The following TENM3 variants were observed in gnomAD, a reference collection of about 807,000 sequenced individuals.
The protein encoded by TENM3 is teneurin transmembrane protein 3.
In TENM3, 63 loss-of-function variants were observed where a neutral mutation model predicts 255.1. The observed-to-expected ratio is 0.25, with a 90% CI of 0.20 to 0.30. The LOEUF (loss-of-function observed/expected upper bound fraction) is 0.30. TENM3 is among the 10% of genes least tolerant of loss of function. TENM3 has a pLI of 1.00. For missense variants in TENM3, 2,929 were observed against 3,461.1 expected, an observed-to-expected ratio of 0.85 and a Z score of 3.86; for synonymous variants, 1,306 against 1,322.3, an observed-to-expected ratio of 0.99 and a Z score of 0.27.
the TENM3 span, among the ~76,000 whole-genome samples, chr4:181,852,743 A>G: frequency 1.3e-5 from 2 of 152,340 alleles, no homozygotes; most frequent in South Asian, 4.1e-4. Flanking sequence ...CATTACACAT[A>G]TCATCTCATG....
intron 22 of TENM3, among the ~76,000 whole-genome samples, chr4:182,755,586 C>A (rs936922120): frequency 1.1e-4 from 17 of 152,040 alleles, no homozygotes; most frequent in African/African-American, 4.1e-4. Context: ...CGCCTGTAAT[C>A]CCAGCACTTT....
the TENM3 span, among the ~76,000 whole-genome samples, chr4:181,868,531 A>G: frequency 2.6e-5 from 4 of 152,156 alleles, no homozygotes; most frequent in Non-Finnish European, 5.9e-5. Context: ...GAGGGTCGCT[A>G]CTGCTTAAGC....
the TENM3 span, among the ~76,000 whole-genome samples, chr4:181,819,131 G>T: frequency 1.3e-5 from 2 of 152,122 alleles, no homozygotes; most frequent in African/African-American, 4.8e-5. Context: ...TATGCCTCTT[G>T]TCATCTACCA....
At chr4:182,758,367 C>T (rs775193770) in intron 22 of TENM3, among the ~76,000 whole-genome samples, 2 of 152,106 alleles carry the variant, frequency 1.3e-5, no homozygotes, top group Non-Finnish European at 2.9e-5. Context: ...ATTATCAGGC[C>T]GCCCCTCCAG....
intron 1 of TENM3, chr4:182,144,991 C>T (rs2149550715): frequency 6.6e-6 from 1 of 152,056 alleles, no homozygotes; most frequent in Admixed American, 6.5e-5. Flanking sequence ...TCGCCGGCGC[C>T]TCTCGCCCGG....
the TENM3 span, among the ~76,000 whole-genome samples, chr4:181,853,930 G>T: frequency 6.6e-6 from 1 of 152,136 alleles, no homozygotes; most frequent in African/African-American, 2.4e-5. Context: ...AGAAGATTTT[G>T]TTGAAAGAAT....
At chr4:181,955,926 A>G in the TENM3 span, among the ~76,000 whole-genome samples, 3 of 152,224 alleles carry the variant, frequency 2.0e-5, no homozygotes, top group South Asian at 4.1e-4. Context: ...AAGGAACCAA[A>G]CAAGTTGGTA....
chr4:181,619,252 T>G, the TENM3 span, among the ~76,000 whole-genome samples: 1 of 152,086 alleles, frequency 6.6e-6, no homozygotes, highest in East Asian at 1.9e-4. Context: ...TAGGGCTGGT[T>G]TCCCCAAGCC....
At chr4:182,244,817 TTTAC>T (rs1757536278) in intron 1 of TENM3, among the ~76,000 whole-genome samples, 1 of 152,260 alleles carries the variant, frequency 6.6e-6, no homozygotes, top group Admixed American at 6.5e-5. Context: ...CAAATATCAC[TTTAC>T]TTCTTACATT....
At chr4:181,539,463 C>G in the TENM3 span, among the ~76,000 whole-genome samples, 1 of 152,076 alleles carries the variant, frequency 6.6e-6, no homozygotes. Context: ...CAAACCAAAG[C>G]AAAAACATAA....
the TENM3 span, among the ~76,000 whole-genome samples, chr4:181,484,697 T>G: frequency 6.6e-6 from 1 of 152,146 alleles, no homozygotes; most frequent in Non-Finnish European, 1.5e-5. Flanking sequence ...AGGTACTAAT[T>G]TAAATTACAC....
At chr4:181,594,977 C>T in the TENM3 span, among the ~76,000 whole-genome samples, 320 of 152,236 alleles carry the variant, frequency 2.1e-3, 4 homozygotes, top group East Asian at 0.037. Context: ...AAGGCCCATA[C>T]CTCTGTGTTC....
At chr4:182,514,296 A>G (rs1737716611) in intron 3 of TENM3, among the ~76,000 whole-genome samples, 1 of 152,208 alleles carries the variant, frequency 6.6e-6, no homozygotes, top group Admixed American at 6.5e-5. Context: ...TGGTGTTAGG[A>G]TATGAAGAGT....
At chr4:182,078,668 A>G in the TENM3 span, among the ~76,000 whole-genome samples, 2 of 152,214 alleles carry the variant, frequency 1.3e-5, no homozygotes, top group South Asian at 4.1e-4. Context: ...GAACTGTGTC[A>G]GTGTGAAGAG....
intron 12 of TENM3, among the ~76,000 whole-genome samples, chr4:182,705,438 C>T (rs1422492891): frequency 1.3e-5 from 2 of 152,050 alleles, no homozygotes; most frequent in African/African-American, 2.4e-5. Flanking sequence ...GCCAGTAGCC[C>T]GGTGAAAATA....
At position 182,793,115 on chromosome 4, in the gene TENM3, T is replaced by C. The variant is rs755426596; in HGVS notation, c.6443T>C (p.Met2148Thr). Residue 2148 changes from methionine (M) to threonine (T), a missense_variant, in exon 26 of 28, where the codon ATG (methionine) becomes ACG (threonine). This residue lies in a region of TENM3 where 256 missense variants were observed against 389.3 expected (regional missense o/e 0.66). Transcript: ENST00000511685. The surrounding 1 kb of genome is among the most constrained non-coding windows in gnomAD (Gnocchi z 5.7). ...ACAGTTTACCTCAATGAAAAGATAATGTGGCGGTACAACTACGATCTGAAT... is the reference window on the plus strand; with the variant it reads ...ACAGTTTACCTCAATGAAAAGATAACGTGGCGGTACAACTACGATCTGAAT... ...LQTVYLNEKI[M>T]WRYNYDLNGN... 2.7e-5 allele frequency: 44 copies of C among 1,613,840 alleles called. No individual in the cohort carries two copies. The highest frequency in any genetic ancestry group is 3.6e-5 in the Non-Finnish European group (42 of 1,179,908).
At chr4:182,558,381 G>A (rs1055860499) in intron 3 of TENM3, among the ~76,000 whole-genome samples, 2 of 152,092 alleles carry the variant, frequency 1.3e-5, no homozygotes, top group African/African-American at 4.8e-5. Context: ...AAAAATACAT[G>A]GCATGGTAGG....
chr4:182,432,178 C>T (rs1771707276), intron 3 of TENM3, among the ~76,000 whole-genome samples: 1 of 151,766 alleles, frequency 6.6e-6, no homozygotes, highest in Non-Finnish European at 1.5e-5. Flanking sequence ...TCCAAGAAGG[C>T]TTTGAGAAGA....
chr4:182,662,946 G>A (rs1022466344), intron 6 of TENM3, among the ~76,000 whole-genome samples: 2 of 152,156 alleles, frequency 1.3e-5, no homozygotes, highest in Admixed American at 6.6e-5. Context: ...GCCCCTTCAC[G>A]AAACCCTAGT....
Sources: allele counts gnomAD v4.1 joint callset (sites outside exome capture counted in the v4.1 genomes callset), GRCh38; gene constraint gnomAD v4.1.1; regional missense constraint gnomAD v4.1.1; non-coding constraint Gnocchi (gnomAD v3.1); transcripts MANE v1.5; gene names NCBI Gene and HGNC (gene_info 2026-07-23, HGNC 2026-07-21).